The following TPD52 variants were observed in gnomAD, a reference collection of about 807,000 sequenced individuals.
TPD52 encodes tumor protein D52.
TPD52 carries 17 observed loss-of-function variants against 31.3 expected under a neutral mutation model. That is an observed-to-expected ratio of 0.54 (90% CI 0.37 to 0.82). The LOEUF is 0.82. Ranked by LOEUF, TPD52 falls within the 40% of genes least tolerant of loss-of-function variation. TPD52 has a pLI of 0.00. For missense variants in TPD52, 212 were observed against 240.1 expected, an observed-to-expected ratio of 0.88 and a Z score of 0.77; for synonymous variants, 83 against 89.6, an observed-to-expected ratio of 0.93 and a Z score of 0.42.
chr8:80,080,461 A>G, intron 1 of TPD52: 1 of 1,613,730 alleles, frequency 6.2e-7, no homozygotes, highest in Non-Finnish European at 8.5e-7. Flanking sequence ...CATTCCAGAC[A>G]AACGCAGAAT....
intron 1 of TPD52, among the ~76,000 whole-genome samples, chr8:80,075,098 G>A (rs1009987742): frequency 2.6e-5 from 4 of 152,046 alleles, no homozygotes; most frequent in African/African-American, 9.7e-5. Context: ...TCCTGCCTCA[G>A]CCTCCCGAGT....
At chr8:80,117,721 TTTTTTTTTCTTTC>T (rs1346323004) in intron 1 of TPD52, among the ~76,000 whole-genome samples, 2 of 133,386 alleles carry the variant, frequency 1.5e-5, no homozygotes, top group African/African-American at 6.3e-5. Context: ...TCATGCTTTC[TTTTTTTTTCTTTC>T]TTTTTTTTTT....
intron 1 of TPD52, among the ~76,000 whole-genome samples, chr8:80,160,388 A>C (rs1811266008): frequency 6.6e-6 from 1 of 152,104 alleles, no homozygotes; most frequent in Non-Finnish European, 1.5e-5. Context: ...TGAAAGACTG[A>C]AACAAGATAA....
chr8:80,139,715 A>T (rs1809692031), intron 1 of TPD52, among the ~76,000 whole-genome samples: 1 of 152,206 alleles, frequency 6.6e-6, no homozygotes, highest in Non-Finnish European at 1.5e-5. Context: ...ACAATACTGC[A>T]TTATACACTT....
chr8:80,124,704 G>A (rs1207714690), intron 1 of TPD52, among the ~76,000 whole-genome samples: 3 of 152,114 alleles, frequency 2.0e-5, no homozygotes, highest in African/African-American at 7.2e-5. Flanking sequence ...CTCTAGGGGA[G>A]AAAGAATTTT....
intron 1 of TPD52, among the ~76,000 whole-genome samples, chr8:80,086,267 C>T (rs1435759049): frequency 1.3e-5 from 2 of 151,412 alleles, no homozygotes; most frequent in African/African-American, 4.9e-5. Flanking sequence ...TACAAGCGCA[C>T]ACCACCACGC....
At chr8:80,168,830 C>T (rs1314482579) in intron 1 of TPD52, among the ~76,000 whole-genome samples, 1 of 152,226 alleles carries the variant, frequency 6.6e-6, no homozygotes, top group Non-Finnish European at 1.5e-5. Context: ...ACAGAGGTTA[C>T]TATGGCTGGG....
At chr8:80,074,157 C>T (rs920783152) in intron 1 of TPD52, among the ~76,000 whole-genome samples, 2 of 152,178 alleles carry the variant, frequency 1.3e-5, no homozygotes, top group Non-Finnish European at 2.9e-5. Flanking sequence ...AAAGCAGGAC[C>T]AATAACTTTA....
At chr8:80,147,570 A>G (rs1302481734) in intron 1 of TPD52, among the ~76,000 whole-genome samples, 4 of 152,218 alleles carry the variant, frequency 2.6e-5, no homozygotes, top group African/African-American at 9.6e-5. Context: ...AACTATTTGC[A>G]TAGTCTTTTG....
intron 1 of TPD52, among the ~76,000 whole-genome samples, chr8:80,139,160 T>C (rs1033440038): frequency 2.0e-5 from 3 of 152,234 alleles, no homozygotes; most frequent in African/African-American, 4.8e-5. Flanking sequence ...ACTGAATGGC[T>C]GCTCTGCCTA....
At position 80,042,606 on chromosome 8, in the gene TPD52, A is replaced by C. The variant is rs1348402856; in HGVS notation, c.504+14T>G. 1 of 1,606,708 alleles carries C rather than the reference A, an allele frequency of 6.2e-7. No homozygotes were observed. Among genetic ancestry groups the C allele is most frequent in the African/African-American group, 1.3e-5 (1 of 74,814 alleles). ...GCAATGTATCAAAAAGACCCTGTTC[A>C]TCTCTCTACTTGCCTTTAAGTTTTC... On this transcript the variant is annotated intron_variant, in intron 7 of 7. Transcript: ENST00000518937.
intron 1 of TPD52, among the ~76,000 whole-genome samples, chr8:80,120,901 G>A (rs1278788484): frequency 2.0e-5 from 3 of 152,038 alleles, no homozygotes; most frequent in African/African-American, 7.2e-5. Context: ...CCAAGATGGT[G>A]AAACCCCCAT....
chr8:80,063,824 A>T (rs561776951), intron 2 of TPD52, among the ~76,000 whole-genome samples: 6 of 146,026 alleles, frequency 4.1e-5, no homozygotes, highest in Admixed American at 2.1e-4. Flanking sequence ...AAAATGGTTA[A>T]TTTTTATGTT....
At chr8:80,088,097 C>A (rs114879724) in intron 1 of TPD52, among the ~76,000 whole-genome samples, 1 of 152,130 alleles carries the variant, frequency 6.6e-6, no homozygotes, top group African/African-American at 2.4e-5. Flanking sequence ...GTAAAGGAGC[C>A]GCAGTTTGAA....
intron 1 of TPD52, among the ~76,000 whole-genome samples, chr8:80,096,582 G>A (rs1159739508): frequency 3.3e-5 from 5 of 152,046 alleles, no homozygotes; most frequent in Admixed American, 6.5e-5. Context: ...TTGTGTCTCT[G>A]CATCACATTT....
At chr8:80,080,213 C>T (rs2130822775) in intron 1 of TPD52, 2 of 1,036,596 alleles carry the variant, frequency 1.9e-6, no homozygotes, top group East Asian at 2.5e-5. Context: ...CCCAACACCA[C>T]CCTGGTACAT....
At chr8:80,142,615 T>TGA (rs749161586) in intron 1 of TPD52, among the ~76,000 whole-genome samples, 1 of 151,686 alleles carries the variant, frequency 6.6e-6, no homozygotes, top group Non-Finnish European at 1.5e-5. Context: ...GGCACAAGAA[T>TGA]TGCTTGAACC....
intron 1 of TPD52, among the ~76,000 whole-genome samples, chr8:80,164,702 G>A (rs1012088222): frequency 2.0e-5 from 3 of 151,926 alleles, no homozygotes; most frequent in African/African-American, 7.3e-5. Context: ...TGGCCAACAT[G>A]GCAAAACCCC....
chr8:80,155,793 G>A (rs1430676992), intron 1 of TPD52, among the ~76,000 whole-genome samples: 1 of 151,626 alleles, frequency 6.6e-6, no homozygotes, highest in Non-Finnish European at 1.5e-5. Flanking sequence ...TGAGGCAGGA[G>A]AATCGCTTGA....
Sources: gnomAD v4.1 joint callset for allele counts (sites outside exome capture counted in the v4.1 genomes callset) on GRCh38, gnomAD v4.1.1 for gene constraint, MANE v1.5 for transcripts, NCBI Gene and HGNC (gene_info 2026-07-23, HGNC 2026-07-21) for gene names.